Variants in URAD observed in about 807,000 individuals in gnomAD.
URAD encodes the protein putative 2-oxo-4-hydroxy-4-carboxy-5-ureidoimidazoline decarboxylase.
Under a neutral mutation model 4.6 loss-of-function variants are expected in URAD, and 4 were observed. The observed-to-expected ratio is 0.87, with a 90% CI of 0.43 to 1.98. The LOEUF (loss-of-function observed/expected upper bound fraction) is 1.98, where lower values mean the gene tolerates loss of function less well. Ranked by LOEUF, URAD falls within the 30% of genes most tolerant of loss-of-function variation. The probability of loss-of-function intolerance (pLI) is 0.03; values close to 1 mark genes in which losing one functional copy is unlikely to be tolerated. For synonymous variants in URAD, 144 were observed against 118.2 expected (o/e 1.22, Z -1.41); for missense variants, 300 against 255.3 (o/e 1.18, Z -1.19).
chr13:27,987,933 G>GATAT (rs1334423778), intron 1 of URAD, among the ~76,000 whole-genome samples: 1 of 139,840 alleles, frequency 7.2e-6, no homozygotes, highest in African/African-American at 2.6e-5. Flanking sequence ...TAGATAGATA[G>GATAT]ATTTTTAAAA....
At position 27,978,243 on chromosome 13, in the gene URAD, T is replaced by G; in HGVS notation, c.385A>C (p.Thr129Pro). The part of the protein sequence containing the change: ...FVLAARFSDR[T>P]AVPRELARRL... ...CGCGCCAGCTCGCGCGGCACCGCCGTCCGGTCGCTGAAGCGCGCGGCGAGC... is the reference window on the plus strand; with the variant it reads ...CGCGCCAGCTCGCGCGGCACCGCCGGCCGGTCGCTGAAGCGCGCGGCGAGC... The change falls in exon 2 of 2, where the codon ACG (threonine) becomes CCG (proline). Residue 129 changes from threonine (T) to proline (P), a missense_variant. By Grantham distance (38) the Thr-to-Pro change is conservative. Transcript: ENST00000332715. The G allele has an allele frequency of 1.4e-6, 2 of 1,456,154 alleles. No individual in the cohort carries two copies. The highest frequency in any genetic ancestry group is 1.8e-6 in the Non-Finnish European group (2 of 1,113,812). The allele number at this position is 1,456,154 out of a possible 1,614,324, so 90.2% of individuals were successfully genotyped here.
At chr13:27,981,366 G>T (rs532205106) in intron 1 of URAD, among the ~76,000 whole-genome samples, 1 of 152,278 alleles carries the variant, frequency 6.6e-6, no homozygotes, top group East Asian at 1.9e-4. Flanking sequence ...GGAAGCCCAG[G>T]CGCTAGGCAG....
At chr13:27,979,095 C>A (rs914876041) in intron 1 of URAD, among the ~76,000 whole-genome samples, 12 of 152,122 alleles carry the variant, frequency 7.9e-5, no homozygotes, top group African/African-American at 2.7e-4. Flanking sequence ...ATCCAAAGAG[C>A]CTTGCAGATG....
At chr13:27,988,150 G>A (rs1870090310) in intron 1 of URAD, among the ~76,000 whole-genome samples, 2 of 152,202 alleles carry the variant, frequency 1.3e-5, no homozygotes, top group African/African-American at 4.8e-5. Context: ...GTAGAGATGG[G>A]GTTTCACCAT....
At chr13:27,980,137 C>T (rs947568455) in intron 1 of URAD, among the ~76,000 whole-genome samples, 8 of 152,114 alleles carry the variant, frequency 5.3e-5, no homozygotes, top group South Asian at 2.1e-4. Context: ...GATCTTGGCT[C>T]ACTGCAACCT....
intron 1 of URAD, among the ~76,000 whole-genome samples, chr13:27,980,363 G>T (rs9554218): frequency 0.38 from 57,624 of 152,106 alleles, 12,048 homozygotes; most frequent in Middle Eastern, 0.48. Flanking sequence ...TTCCCCACCT[G>T]GGGGAGCAGC....
chr13:27,978,881 C>T (rs1313030022), intron 1 of URAD, among the ~76,000 whole-genome samples: 1 of 152,014 alleles, frequency 6.6e-6, no homozygotes, highest in Admixed American at 6.5e-5. Flanking sequence ...CCTTTGCTCT[C>T]AGGGGGGGCT....
At chr13:27,979,190 C>T (rs1869807879) in intron 1 of URAD, among the ~76,000 whole-genome samples, 1 of 152,072 alleles carries the variant, frequency 6.6e-6, no homozygotes, top group South Asian at 2.1e-4. Context: ...GAAACTGCAC[C>T]CACCCATCCC....
chr13:27,982,604 C>A (rs576756415), intron 1 of URAD, among the ~76,000 whole-genome samples: 1 of 152,304 alleles, frequency 6.6e-6, no homozygotes, highest in Non-Finnish European at 1.5e-5. Context: ...GCCATCCATT[C>A]TTTGATGACA....
At position 27,978,187 on chromosome 13, in the gene URAD, C is replaced by A; in HGVS notation, c.441G>T (p.Leu147=). 6.6e-7 allele frequency: 1 copy of A among 1,512,622 alleles called. No homozygotes were observed. Among genetic ancestry groups the A allele is most frequent in the Non-Finnish European group, 8.8e-7 (1 of 1,142,840 alleles). The allele number at this position is 1,512,622 out of a possible 1,614,324, so 93.7% of individuals were successfully genotyped here. A position where few individuals can be genotyped will look rare whatever the true frequency, so the allele number is the denominator to read the frequency against. Residue 147 remains leucine (L), a synonymous_variant, in exon 2 of 2, where the codon CTG becomes CTT. Coordinates refer to ENST00000332715, the MANE Select transcript of URAD (RefSeq NM_001105577.2). ...RRLLCPSAQE[L]RTALGEVKKI... Reference sequence around the variant, plus strand: ...TCTTCACCTCGCCCAGAGCAGTGCGCAGCTCCTGCGCGGACGGGCAGAGCA... The same window carrying A: ...TCTTCACCTCGCCCAGAGCAGTGCGAAGCTCCTGCGCGGACGGGCAGAGCA...
chr13:27,986,047 C>T (rs951858467), intron 1 of URAD, among the ~76,000 whole-genome samples: 7 of 152,138 alleles, frequency 4.6e-5, no homozygotes, highest in African/African-American at 1.7e-4. Context: ...CCAGCTGCTC[C>T]CAGACAAGTG....
intron 1 of URAD, among the ~76,000 whole-genome samples, chr13:27,988,063 A>G (rs1870088036): frequency 6.6e-6 from 1 of 152,152 alleles, no homozygotes; most frequent in Admixed American, 6.5e-5. Flanking sequence ...GGCTCAAGCG[A>G]TTCTCCTGCC....
chr13:27,986,927 C>T (rs1870045214), intron 1 of URAD, among the ~76,000 whole-genome samples: 1 of 152,164 alleles, frequency 6.6e-6, no homozygotes, highest in Non-Finnish European at 1.5e-5. Context: ...CCAGTGATGA[C>T]CCCCAAGCCC....
intron 1 of URAD, among the ~76,000 whole-genome samples, chr13:27,979,658 T>C (rs1302132021): frequency 1.3e-5 from 2 of 152,228 alleles, no homozygotes; most frequent in Non-Finnish European, 2.9e-5. Context: ...CCTCTGGCGC[T>C]GGGAATAGGC....
chr13:27,977,841 A>G lies in URAD; in HGVS notation c.*265T>C, dbSNP rs962301733. The G allele has an allele frequency of 9.5e-6, 4 of 421,250 alleles. No homozygotes were observed. Among genetic ancestry groups the G allele is most frequent in the African/African-American group, 8.3e-5 (4 of 48,142 alleles). 26.1% of individuals were successfully genotyped at this position (421,250 alleles called of 1,614,324 possible). A position where few individuals can be genotyped will look rare whatever the true frequency, so the allele number is the denominator to read the frequency against. On this transcript the variant is annotated 3_prime_UTR_variant, in exon 2 of 2. Transcript: ENST00000332715. Reference sequence around the variant, plus strand: ...AGGCCGGTGGTGTCGGGGGCCGCAAAGGGAGTGAAGAATTGAAGCAGTGAG... The same window carrying G: ...AGGCCGGTGGTGTCGGGGGCCGCAAGGGGAGTGAAGAATTGAAGCAGTGAG...
chr13:27,985,262 A>G (rs1453967815), intron 1 of URAD, among the ~76,000 whole-genome samples: 1 of 152,134 alleles, frequency 6.6e-6, no homozygotes, highest in Non-Finnish European at 1.5e-5. Flanking sequence ...ATTTGAGACA[A>G]GCATGGCCAA....
Position 27,988,606 on chromosome 13 carries a change from A to G in URAD, c.32T>C (p.Leu11Pro), listed in dbSNP as rs374399842. Residue 11 changes from leucine (L) to proline (P), a missense_variant, in exon 1 of 2, where the codon CTT becomes CCT. Physicochemically the swap from Leu to Pro is moderately conservative, Grantham distance 98 (BLOSUM62 -3). Coordinates refer to ENST00000332715, the MANE Select transcript of URAD (RefSeq NM_001105577.2). ...CCCAAACACATCCACGAATTCTCCA[A>G]GGTCCATGGAGTTGACCTTCTCAAT... MDIEKVNSMD[L>P]GEFVDVFGNA... The G allele has an allele frequency of 5.0e-6, 8 of 1,612,958 alleles. No individual in the cohort carries two copies. In the African/African-American group the frequency reaches 8.0e-5, roughly 16 times the overall value.
chr13:27,979,039 G>A (rs964519679), intron 1 of URAD, among the ~76,000 whole-genome samples: 6 of 152,108 alleles, frequency 3.9e-5, no homozygotes, highest in Non-Finnish European at 7.4e-5. Context: ...TAAATGCCCT[G>A]GATTTTGTGA....
chr13:27,984,618 G>T (rs540153045), intron 1 of URAD, among the ~76,000 whole-genome samples: 62 of 152,288 alleles, frequency 4.1e-4, no homozygotes, highest in African/African-American at 1.5e-3. Flanking sequence ...CTTCTTTTTA[G>T]ATTCAAATAA....
Sources: allele counts gnomAD v4.1 joint callset (sites outside exome capture counted in the v4.1 genomes callset), GRCh38; gene constraint gnomAD v4.1.1; transcripts MANE v1.5; gene names NCBI Gene and HGNC (gene_info 2026-07-23, HGNC 2026-07-21).